ST3GAL5: variants seen among roughly 807,000 people sequenced by gnomAD.
The protein encoded by ST3GAL5 is lactosylceramide alpha-2,3-sialyltransferase.
In ST3GAL5, 25 loss-of-function variants were observed where a neutral mutation model predicts 46.1. The observed-to-expected ratio is 0.54, with a 90% confidence interval of 0.40 to 0.76. The LOEUF (loss-of-function observed/expected upper bound fraction) is 0.76. Ranked by LOEUF, ST3GAL5 falls within the 30% of genes least tolerant of loss-of-function variation. The pLI is 0.00. For missense variants in ST3GAL5, 431 were observed against 521.2 expected, an observed-to-expected ratio of 0.83 and a Z score of 1.69; for synonymous variants, 182 against 192.7, an observed-to-expected ratio of 0.94 and a Z score of 0.46.
At chr2:85,870,884 C>G (rs928221594) in intron 1 of ST3GAL5, among the ~76,000 whole-genome samples, 9 of 152,024 alleles carry the variant, frequency 5.9e-5, no homozygotes, top group Non-Finnish European at 8.8e-5. Context: ...ACCATGGTCT[C>G]AAACTCCTGA....
At chr2:85,871,811 C>T (rs896607554) in intron 1 of ST3GAL5, among the ~76,000 whole-genome samples, 1 of 152,094 alleles carries the variant, frequency 6.6e-6, no homozygotes, top group Admixed American at 6.5e-5. Flanking sequence ...GAGGGGGCTG[C>T]TTTCTAAAAT....
intron 6 of ST3GAL5, among the ~76,000 whole-genome samples, chr2:85,841,040 A>T (rs199813571): frequency 7.6e-5 from 11 of 144,220 alleles, no homozygotes; most frequent in Non-Finnish European, 1.2e-4. Context: ...AAAAAAAAAT[A>T]AAAAAAAAAG....
At chr2:85,880,828 G>GA (rs34410645) in intron 1 of ST3GAL5, 8,087 of 437,876 alleles carry the variant, frequency 0.018, 1 homozygote, top group South Asian at 0.036. Context: ...TGTCTAAAAA[G>GA]AAAAAAAAAA....
chr2:85,867,007 T>C (rs750149267), intron 1 of ST3GAL5, among the ~76,000 whole-genome samples: 3 of 152,176 alleles, frequency 2.0e-5, no homozygotes, highest in East Asian at 1.9e-4. Context: ...ATAAACTCTA[T>C]TGAAACATCT....
intron 1 of ST3GAL5, chr2:85,875,484 G>A (rs1358137013): frequency 6.6e-6 from 1 of 151,836 alleles, no homozygotes; most frequent in Non-Finnish European, 1.5e-5. Flanking sequence ...GTAGAAAGCA[G>A]GGTTGGGTGA....
intron 1 of ST3GAL5, among the ~76,000 whole-genome samples, chr2:85,863,739 G>A (rs1322398537): frequency 6.7e-6 from 1 of 149,140 alleles, no homozygotes; most frequent in Non-Finnish European, 1.5e-5. Flanking sequence ...ACGGAGTCTT[G>A]CTCTGTTGCC....
At chr2:85,880,472 T>C (rs1481733673) in intron 1 of ST3GAL5, among the ~76,000 whole-genome samples, 1 of 152,114 alleles carries the variant, frequency 6.6e-6, no homozygotes, top group Non-Finnish European at 1.5e-5. Flanking sequence ...TTTGATCAAA[T>C]AGGAGTATGT....
At chr2:85,875,145 G>A (rs184590752) in intron 1 of ST3GAL5, among the ~76,000 whole-genome samples, 28 of 152,128 alleles carry the variant, frequency 1.8e-4, no homozygotes, top group East Asian at 5.8e-4. Context: ...GTGTAACCTC[G>A]AACTCCTAGG....
In ST3GAL5 at chr2:85,863,383, A is replaced by G; in HGVS notation, c.185T>C (p.Leu62Ser). The change falls in exon 2 of 7, where the codon TTG becomes TCG. Residue 62 changes from leucine to serine, a missense_variant. Coordinates refer to ENST00000638572, the MANE Select transcript of ST3GAL5 (RefSeq NM_003896.4). ...RAQSKMRRPS[L>S]LLKDILKCTL... ...TTACTTGAGGATGTCTTTTAATAACAAGCTGGGCCTTCTCATCTTGCTTTG... is the reference window on the plus strand; with the variant it reads ...TTACTTGAGGATGTCTTTTAATAACGAGCTGGGCCTTCTCATCTTGCTTTG... 1.9e-6 allele frequency: 3 copies of G among 1,614,168 alleles called. No individual in the cohort carries two copies. The highest frequency in any genetic ancestry group is 2.5e-6 in the Non-Finnish European group (3 of 1,180,020).
chr2:85,886,806 G>A (rs948297968), intron 1 of ST3GAL5, among the ~76,000 whole-genome samples: 2 of 152,258 alleles, frequency 1.3e-5, no homozygotes, highest in Admixed American at 1.3e-4. Context: ...CACTGATCCA[G>A]CCCTTGCTTT....
chr2:85,841,554 C>T (rs546585982), intron 6 of ST3GAL5, among the ~76,000 whole-genome samples: 39 of 152,222 alleles, frequency 2.6e-4, no homozygotes, highest in African/African-American at 7.0e-4. Flanking sequence ...AGGCTGGTCT[C>T]GAACTCCTGG....
At chr2:85,847,510 T>G (rs1682937617) in intron 4 of ST3GAL5, 1 of 1,059,612 alleles carries the variant, frequency 9.4e-7, no homozygotes. Context: ...AAGAGCTTCC[T>G]GTGTCCCTCA....
chr2:85,844,340 T>A, intron 6 of ST3GAL5, 56 bp downstream of exon 6: 1 of 1,612,628 alleles, frequency 6.2e-7, no homozygotes, highest in Admixed American at 1.7e-5. Context: ...AAGTGAAATT[T>A]GTACACATCG....
chr2:85,858,260 AG>A (rs1287543150), intron 3 of ST3GAL5: 4 of 152,244 alleles, frequency 2.6e-5, no homozygotes, highest in Admixed American at 6.5e-5. Context: ...GGAAGGGATC[AG>A]AAAGGCCCCT....
chr2:85,874,899 G>A (rs1156894918), intron 1 of ST3GAL5, among the ~76,000 whole-genome samples: 1 of 151,690 alleles, frequency 6.6e-6, no homozygotes, highest in African/African-American at 2.4e-5. Context: ...CATAATCATT[G>A]GGCATTTATT....
At chr2:85,870,097 G>A in intron 1 of ST3GAL5, 1 of 433,512 alleles carries the variant, frequency 2.3e-6, no homozygotes, top group South Asian at 1.7e-5. Flanking sequence ...GGATATTCCT[G>A]TATGCATGCT....
intron 3 of ST3GAL5, among the ~76,000 whole-genome samples, chr2:85,852,254 A>G (rs1042401752): frequency 7.9e-5 from 12 of 152,206 alleles, no homozygotes; most frequent in Admixed American, 6.5e-4. Flanking sequence ...AAGGAGCTCA[A>G]TTCTGCCATG....
rs913893607 is a variant in ST3GAL5, at chr2:85,888,898, G to C, written c.8C>G (p.Thr3Arg). Residue 3 changes from threonine to arginine, a missense_variant, in exon 1 of 7, where the codon ACG becomes AGG. Thr to Arg is a moderately conservative substitution (Grantham distance 71, BLOSUM62 -1). Transcript: ENST00000638572. MR[T>R]KAAGCAERRP... The stretch of plus-strand genomic sequence containing the variant: ...CCGCTCCGCGCAGCCCGCCGCCTTC[G>C]TCCGCATACTAATGAGGGGGCGCCG... 7.3e-7 allele frequency: 1 copy of C among 1,372,288 alleles called. No individual in the cohort carries two copies. Among genetic ancestry groups the C allele is most frequent in the Non-Finnish European group, 9.5e-7 (1 of 1,055,804 alleles). The allele number at this position is 1,372,288 out of a possible 1,614,324, so 85.0% of individuals were successfully genotyped here.
At chr2:85,883,968 C>G (rs1687479764) in intron 1 of ST3GAL5, among the ~76,000 whole-genome samples, 1 of 152,138 alleles carries the variant, frequency 6.6e-6, no homozygotes, top group Non-Finnish European at 1.5e-5. Flanking sequence ...TAAGATCACC[C>G]TCGCCAATTT....
Sources: allele counts gnomAD v4.1 joint callset (sites outside exome capture counted in the v4.1 genomes callset), GRCh38; gene constraint gnomAD v4.1.1; transcripts MANE v1.5; gene names NCBI Gene and HGNC (gene_info 2026-07-23, HGNC 2026-07-21).